Variants in CALD1 observed in about 807,000 individuals in gnomAD.
CALD1 encodes caldesmon 1.
In CALD1, 33 loss-of-function variants were observed where a neutral mutation model predicts 99.9. That is an observed-to-expected ratio of 0.33 (90% CI 0.25 to 0.44). The LOEUF (loss-of-function observed/expected upper bound fraction) is 0.44, where lower values mean the gene tolerates loss of function less well. Ranked by LOEUF, CALD1 falls within the 20% of genes least tolerant of loss-of-function variation. The probability of loss-of-function intolerance (pLI) is 1.00; values close to 1 mark genes in which losing one functional copy is unlikely to be tolerated. For missense variants in CALD1, 861 were observed against 962.1 expected (o/e 0.89, Z 1.39); for synonymous variants, 310 against 325.0 (o/e 0.95, Z 0.50).
intron 1 of CALD1, among the ~76,000 whole-genome samples, chr7:134,773,060 C>T (rs6959077): frequency 0.58 from 88,221 of 152,144 alleles, 26,737 homozygotes; most frequent in East Asian, 0.88. Context: ...TTTTCATTCA[C>T]TGTATTGGCC....
chr7:134,771,204 T>C (rs1251440589), intron 1 of CALD1, among the ~76,000 whole-genome samples: 2 of 152,162 alleles, frequency 1.3e-5, no homozygotes, highest in East Asian at 3.8e-4. Flanking sequence ...AAATCCTATC[T>C]AAAAACTGAG....
chr7:134,781,166 T>C (rs1797089650), intron 1 of CALD1, among the ~76,000 whole-genome samples: 1 of 152,206 alleles, frequency 6.6e-6, no homozygotes, highest in Non-Finnish European at 1.5e-5. Flanking sequence ...TTAATTACTG[T>C]CCTTCCCTCG....
chr7:134,786,007 T>C (rs1396907671), intron 1 of CALD1, among the ~76,000 whole-genome samples: 1 of 152,214 alleles, frequency 6.6e-6, no homozygotes, highest in Non-Finnish European at 1.5e-5. Context: ...AGAAGGATTC[T>C]GAGGATGAAT....
At position 134,746,382 on chromosome 7, in the gene CALD1, G is replaced by A. The variant is rs528978215; in HGVS notation, c.-130+2019G>A. 6.6e-5 allele frequency among the ~76,000 whole-genome samples: 10 copies of A among 152,310 alleles called. No individual in the cohort carries two copies. The East Asian group carries it at 1.9e-3, about 29-fold the overall frequency. On this transcript the variant is annotated intron_variant, in intron 1 of 13. Transcript: ENST00000417172. ...TCTTGGCTTGCTAGCCTCCAGAGCT[G>A]TGAGAAATACATTTTTGTTGTTTAT... is the stretch of plus-strand genomic sequence containing the variant.
At chr7:134,869,316 C>A (rs551077488) in intron 3 of CALD1, among the ~76,000 whole-genome samples, 89 of 152,270 alleles carry the variant, frequency 5.8e-4, no homozygotes, top group Admixed American at 1.1e-3. Context: ...ACTGGTATAT[C>A]TTGGCTGTTC....
chr7:134,868,041 A>G, intron 3 of CALD1: 1 of 310,840 alleles, frequency 3.2e-6, no homozygotes, highest in Non-Finnish European at 6.0e-6. Flanking sequence ...CTGCATATTG[A>G]TAATTGCATT....
chr7:134,859,300 T>C (rs577511394), intron 2 of CALD1, among the ~76,000 whole-genome samples: 14 of 152,316 alleles, frequency 9.2e-5, no homozygotes, highest in Non-Finnish European at 1.9e-4. Flanking sequence ...TTTACATATT[T>C]GTTGCAAGTC....
intron 1 of CALD1, 26 bp downstream of exon 1, chr7:134,779,775 T>G: frequency 2.5e-6 from 1 of 398,502 alleles, no homozygotes; most frequent in Non-Finnish European, 4.4e-6. Context: ...CTTTCTTTTT[T>G]ATCTTCTAGA....
At chr7:134,931,485 T>G (rs1586345366) in intron 4 of CALD1, among the ~76,000 whole-genome samples, 2 of 152,244 alleles carry the variant, frequency 1.3e-5, no homozygotes, top group Admixed American at 1.3e-4. Context: ...CAAGAAAGTT[T>G]TAAAGCTAGT....
intron 1 of CALD1, among the ~76,000 whole-genome samples, chr7:134,757,252 A>G (rs936932104): frequency 6.6e-6 from 1 of 152,164 alleles, no homozygotes; most frequent in Non-Finnish European, 1.5e-5. Context: ...TTCTCTCTGG[A>G]GAGCACAGCC....
At position 134,958,262 on chromosome 7, in the gene CALD1, G is replaced by A. The variant is rs1344821786; in HGVS notation, c.2033G>A (p.Arg678Lys). 1 of 1,614,006 alleles carries A rather than the reference G, an allele frequency of 6.2e-7. No individual in the cohort carries two copies. The highest frequency in any genetic ancestry group is 1.7e-5 in the Admixed American group (1 of 60,010). ...QAAIVSKIDS[R>K]LEQYTSAIEG... The stretch of plus-strand genomic sequence containing the variant: ...GCAATAGTCTCCAAGATTGACAGCA[G>A]ACTGGAGCAGTATACCAGTGCAATT... The change falls in exon 11 of 15, where the codon AGA (arginine) becomes AAA (lysine). Residue 678 changes from arginine to lysine, a missense_variant. Coordinates refer to ENST00000361675, the MANE Select transcript of CALD1 (RefSeq NM_033138.4).
At chr7:134,846,780 C>G (rs964287922) in intron 2 of CALD1, among the ~76,000 whole-genome samples, 2 of 152,186 alleles carry the variant, frequency 1.3e-5, no homozygotes, top group South Asian at 4.1e-4. Context: ...CATTGAGATA[C>G]CAGCTTTCTT....
chr7:134,756,272 C>CAA (rs36011477), intron 1 of CALD1, among the ~76,000 whole-genome samples: 1,967 of 76,810 alleles, frequency 0.026, 145 homozygotes, highest in East Asian at 0.14. Flanking sequence ...GACTTTGTCT[C>CAA]AAAAAAAAAA....
intron 5 of CALD1, among the ~76,000 whole-genome samples, chr7:134,934,354 CA>C (rs35887182): frequency 1.3e-5 from 2 of 151,920 alleles, no homozygotes; most frequent in Admixed American, 6.6e-5. Context: ...TATGAATACC[CA>C]AAAAAAGAAT....
chr7:134,742,378 G>A (rs1329375165), upstream of CALD1, among the ~76,000 whole-genome samples: 1 of 152,180 alleles, frequency 6.6e-6, no homozygotes, highest in Admixed American at 6.5e-5. Flanking sequence ...GAGATCTTTG[G>A]GGAAATGTGG....
chr7:134,880,562 C>T (rs1209497139), intron 3 of CALD1, among the ~76,000 whole-genome samples: 1 of 152,132 alleles, frequency 6.6e-6, no homozygotes, highest in East Asian at 1.9e-4. Flanking sequence ...ATATCTCTGC[C>T]CACTTCTTCC....
chr7:134,718,679 T>C, the CALD1 span, among the ~76,000 whole-genome samples: 1 of 152,062 alleles, frequency 6.6e-6, no homozygotes, highest in Non-Finnish European at 1.5e-5. Context: ...TAAATTACTG[T>C]ACAAATTTCT....
chr7:134,848,772 T>C (rs1196055867), intron 2 of CALD1, among the ~76,000 whole-genome samples: 2 of 152,236 alleles, frequency 1.3e-5, no homozygotes, highest in Non-Finnish European at 2.9e-5. Context: ...TTTGTTATTA[T>C]GAGAGACTCC....
At chr7:134,748,082 C>T (rs1183824989) in intron 1 of CALD1, among the ~76,000 whole-genome samples, 2 of 152,236 alleles carry the variant, frequency 1.3e-5, no homozygotes, top group African/African-American at 2.4e-5. Flanking sequence ...GACCTCTGCC[C>T]CAGCACCTAG....
Sources: allele counts gnomAD v4.1 joint callset (sites outside exome capture counted in the v4.1 genomes callset), GRCh38; gene constraint gnomAD v4.1.1; transcripts MANE v1.5; gene names NCBI Gene and HGNC (gene_info 2026-07-23, HGNC 2026-07-21).